RASGRF2: variants seen among roughly 807,000 people sequenced by gnomAD.
RASGRF2 encodes the protein Ras protein specific guanine nucleotide releasing factor 2.
A neutral mutation model predicts 151.0 loss-of-function variants in RASGRF2; 76 were observed. The ratio of observed to expected loss-of-function variants is 0.50; its 90% confidence interval spans 0.42 to 0.61. The LOEUF (loss-of-function observed/expected upper bound fraction) is 0.61, where lower values mean the gene tolerates loss of function less well. Ranked by LOEUF, RASGRF2 falls within the 20% of genes least tolerant of loss-of-function variation. RASGRF2 has a pLI of 0.00. For synonymous variants in RASGRF2, 504 were observed against 566.5 expected, an observed-to-expected ratio of 0.89 and a Z score of 1.57; for missense variants, 1,148 against 1,564.6, an observed-to-expected ratio of 0.73 and a Z score of 4.49.
At chr5:81,011,538 T>C (rs143226815) in intron 1 of RASGRF2, among the ~76,000 whole-genome samples, 19,766 of 152,056 alleles carry the variant, frequency 0.13, 1,553 homozygotes, top group South Asian at 0.19. Context: ...AGTTGGGAGT[T>C]TGAGACTAGC....
chr5:81,021,488 G>C (rs1019566172), intron 1 of RASGRF2, among the ~76,000 whole-genome samples: 1 of 152,036 alleles, frequency 6.6e-6, no homozygotes, highest in South Asian at 2.1e-4. Context: ...AGTAATTCAC[G>C]TGTCCTCCTG....
At chr5:81,164,054 G>T (rs1029494835) in intron 17 of RASGRF2, among the ~76,000 whole-genome samples, 3 of 152,150 alleles carry the variant, frequency 2.0e-5, no homozygotes, top group African/African-American at 7.2e-5. Context: ...TTGCAGACTT[G>T]TGAAGCTTAA....
chr5:80,968,006 T>C (rs1747776693), intron 1 of RASGRF2, among the ~76,000 whole-genome samples: 1 of 152,258 alleles, frequency 6.6e-6, no homozygotes, highest in African/African-American at 2.4e-5. Context: ...CACATGATCT[T>C]GAGCAATTTC....
intron 17 of RASGRF2, 69 bp from the exon 18 acceptor site, chr5:81,180,106 T>C: frequency 1.2e-6 from 1 of 868,508 alleles, no homozygotes; most frequent in Non-Finnish European, 1.9e-6. Context: ...TCCTAAAATA[T>C]ATGACCTTTT....
Position 81,112,808 on chromosome 5 carries a change from G to A in RASGRF2, c.2037G>A (p.Leu679=), listed in dbSNP as rs748230543. 3.7e-6 allele frequency: 6 copies of A among 1,614,166 alleles called. No homozygotes were observed. Among genetic ancestry groups the A allele is most frequent in the Non-Finnish European group, 4.2e-6 (5 of 1,180,032 alleles). ...YRIFTTAAVV[L]GKLSDIYKRP... ...TTTTCACTACTGCCGCTGTGGTGCT[G>A]GGGAAACTCTCCGACATATACAAGA... The change falls in exon 14 of 27, where the codon CTG becomes CTA. Residue 679 remains leucine, a synonymous_variant. Coordinates refer to ENST00000265080, the MANE Select transcript of RASGRF2 (RefSeq NM_006909.3).
chr5:81,103,369 G>T (rs1168694688), intron 12 of RASGRF2, among the ~76,000 whole-genome samples: 1 of 151,910 alleles, frequency 6.6e-6, no homozygotes, highest in South Asian at 2.1e-4. Flanking sequence ...CATACCTATA[G>T]AATATAGATT....
chr5:81,045,043 C>T (rs760541871), intron 2 of RASGRF2, among the ~76,000 whole-genome samples: 2 of 152,156 alleles, frequency 1.3e-5, no homozygotes, highest in South Asian at 2.1e-4. Context: ...ATGGTTCAGC[C>T]GTCCTTGCTC....
intron 1 of RASGRF2, among the ~76,000 whole-genome samples, chr5:81,040,097 G>C (rs2112388033): frequency 6.6e-6 from 1 of 152,154 alleles, no homozygotes; most frequent in East Asian, 1.9e-4. Context: ...TTGACTTCCT[G>C]GGCTCAAGCA....
chr5:81,109,979 A>G (rs141418969), intron 13 of RASGRF2, among the ~76,000 whole-genome samples: 1 of 152,140 alleles, frequency 6.6e-6, no homozygotes, highest in African/African-American at 2.4e-5. Flanking sequence ...ATATACTACT[A>G]TTTTTTCCCA....
intron 5 of RASGRF2, among the ~76,000 whole-genome samples, chr5:81,076,542 T>C (rs1355442100): frequency 6.7e-6 from 1 of 149,594 alleles, no homozygotes; most frequent in African/African-American, 2.5e-5. Context: ...GATTAGTACA[T>C]GGACACTTCC....
chr5:81,108,532 C>A (rs992363510), intron 12 of RASGRF2, among the ~76,000 whole-genome samples: 1 of 152,172 alleles, frequency 6.6e-6, no homozygotes, highest in African/African-American at 2.4e-5. Flanking sequence ...ACTAGTGAGA[C>A]AGAAGATGAA....
chr5:81,107,476 A>G (rs1011452186), intron 12 of RASGRF2, among the ~76,000 whole-genome samples: 2 of 152,216 alleles, frequency 1.3e-5, no homozygotes, highest in Admixed American at 1.3e-4. Flanking sequence ...GACCAGGATT[A>G]ATTGACTTTC....
At chr5:81,209,237 T>C (rs540783638) in intron 22 of RASGRF2, among the ~76,000 whole-genome samples, 1 of 152,172 alleles carries the variant, frequency 6.6e-6, no homozygotes, top group African/African-American at 2.4e-5. Context: ...TGTCAGTCCA[T>C]CTTACAGCTC....
intron 9 of RASGRF2, among the ~76,000 whole-genome samples, chr5:81,089,913 T>G (rs1752342358): frequency 6.6e-6 from 1 of 152,210 alleles, no homozygotes; most frequent in Non-Finnish European, 1.5e-5. Flanking sequence ...CTTCCTATTT[T>G]CAATAACATG....
intron 5 of RASGRF2, among the ~76,000 whole-genome samples, chr5:81,077,140 C>T (rs1005969300): frequency 6.6e-6 from 1 of 152,004 alleles, no homozygotes; most frequent in Non-Finnish European, 1.5e-5. Context: ...TTAGGTCATG[C>T]TAGTGTGAAA....
chr5:80,975,948 G>A (rs1389471221), intron 1 of RASGRF2, among the ~76,000 whole-genome samples: 1 of 151,090 alleles, frequency 6.6e-6, no homozygotes, highest in Admixed American at 6.6e-5. Flanking sequence ...AGGTTCAAGC[G>A]ATTCTCCTGC....
chr5:80,978,988 G>T (rs1748216163), intron 1 of RASGRF2, among the ~76,000 whole-genome samples: 1 of 152,104 alleles, frequency 6.6e-6, no homozygotes, highest in Admixed American at 6.5e-5. Context: ...TGGATATTTA[G>T]CCTGTTTTAA....
intron 1 of RASGRF2, among the ~76,000 whole-genome samples, chr5:81,020,874 C>T (rs1749802533): frequency 6.6e-6 from 1 of 152,216 alleles, no homozygotes; most frequent in African/African-American, 2.4e-5. Context: ...CTCAGTCCTA[C>T]GAGGTACTTA....
chr5:81,093,239 T>C (rs1752443345), intron 10 of RASGRF2, among the ~76,000 whole-genome samples: 2 of 152,226 alleles, frequency 1.3e-5, no homozygotes, highest in Admixed American at 1.3e-4. Flanking sequence ...ATCTGTATAA[T>C]CATATACAAA....
Sources: allele counts gnomAD v4.1 joint callset (sites outside exome capture counted in the v4.1 genomes callset), GRCh38; gene constraint gnomAD v4.1.1; transcripts MANE v1.5; gene names NCBI Gene and HGNC (gene_info 2026-07-23, HGNC 2026-07-21).